RBPJ: variants seen among roughly 807,000 people sequenced by gnomAD.
RBPJ encodes the protein recombination signal binding protein for immunoglobulin kappa J region.
Under a neutral mutation model 67.8 loss-of-function variants are expected in RBPJ, and 9 were observed. That is an observed-to-expected ratio of 0.13 (90% CI 0.08 to 0.23). RBPJ has a LOEUF of 0.23. RBPJ is among the 10% of genes least tolerant of loss of function. RBPJ has a pLI of 1.00. For synonymous variants in RBPJ, 198 were observed against 203.3 expected (o/e 0.97, Z 0.22); for missense variants, 305 against 595.6 (o/e 0.51, Z 5.08).
chr4:26,429,174 C>G (rs1735968236), intron 8 of RBPJ, among the ~76,000 whole-genome samples: 1 of 152,224 alleles, frequency 6.6e-6, no homozygotes, highest in African/African-American at 2.4e-5. Flanking sequence ...ATTGAATCCT[C>G]TGAAATTGTG....
chr4:26,195,917 A>G (rs921097851), intron 1 of RBPJ, among the ~76,000 whole-genome samples: 43 of 152,200 alleles, frequency 2.8e-4, no homozygotes, highest in African/African-American at 3.6e-4. Flanking sequence ...TTTGACCCAC[A>G]TGACTTTTTA....
intron 1 of RBPJ, among the ~76,000 whole-genome samples, chr4:26,355,658 C>G (rs972931981): frequency 8.5e-5 from 13 of 152,068 alleles, no homozygotes; most frequent in African/African-American, 3.1e-4. Context: ...AAAACCCTAA[C>G]CCCTCTCCTG....
At chr4:26,413,534 A>T (rs951484822) in intron 3 of RBPJ, among the ~76,000 whole-genome samples, 1 of 152,156 alleles carries the variant, frequency 6.6e-6, no homozygotes, top group Non-Finnish European at 1.5e-5. Flanking sequence ...TCTGTTACAC[A>T]CTCAGGATAT....
chr4:26,354,268 G>A lies in RBPJ; in HGVS notation c.21-32085G>A, dbSNP rs80078133. On this transcript the variant is annotated intron_variant, in intron 1 of 10. Transcript: ENST00000355476. Reference sequence around the variant, plus strand: ...TCATGAGATAATTTATACAGCCACCGGGGACTGTTTTCAGCAAGCTTAATG... The same window carrying A: ...TCATGAGATAATTTATACAGCCACCAGGGACTGTTTTCAGCAAGCTTAATG... Among the ~76,000 whole-genome samples the A allele has an allele frequency of 1.9e-4, 29 of 152,106 alleles. No homozygotes were observed. In the East Asian group the frequency reaches 4.8e-3, roughly 25 times the overall value.
intron 1 of RBPJ, among the ~76,000 whole-genome samples, chr4:26,356,084 C>T (rs1016796626): frequency 1.4e-4 from 22 of 152,150 alleles, no homozygotes; most frequent in Admixed American, 1.4e-3. Flanking sequence ...GTTCAAAAAC[C>T]ACGAGTGCCC....
chr4:26,204,547 A>G (rs1399800972), intron 1 of RBPJ, among the ~76,000 whole-genome samples: 2 of 151,984 alleles, frequency 1.3e-5, no homozygotes, highest in African/African-American at 4.8e-5. Context: ...GGATGGGACT[A>G]CTCGTGGGTA....
chr4:26,309,935 A>G (rs1395344544), intron 1 of RBPJ, among the ~76,000 whole-genome samples: 1 of 152,224 alleles, frequency 6.6e-6, no homozygotes, highest in Non-Finnish European at 1.5e-5. Flanking sequence ...ATTTGTACAC[A>G]TTCTTTTCAC....
At chr4:26,189,169 A>C (rs930187017) in intron 1 of RBPJ, among the ~76,000 whole-genome samples, 2 of 152,204 alleles carry the variant, frequency 1.3e-5, no homozygotes, top group African/African-American at 4.8e-5. Flanking sequence ...GTGAGCTATG[A>C]TCATGCTACT....
intron 1 of RBPJ, among the ~76,000 whole-genome samples, chr4:26,291,567 CAGGT>C (rs1327729292): frequency 6.7e-6 from 1 of 149,938 alleles, no homozygotes; most frequent in African/African-American, 2.5e-5. Context: ...ACAAGACAAG[CAGGT>C]ATGAATGACT....
intron 2 of RBPJ, among the ~76,000 whole-genome samples, chr4:26,402,940 C>T (rs1255553640): frequency 1.3e-5 from 2 of 152,198 alleles, no homozygotes; most frequent in Non-Finnish European, 2.9e-5. Context: ...ATACCCACTT[C>T]TCCCAAAACA....
chr4:26,181,677 G>A (rs901971900), intron 1 of RBPJ, among the ~76,000 whole-genome samples: 7 of 152,158 alleles, frequency 4.6e-5, no homozygotes, highest in African/African-American at 1.7e-4. Flanking sequence ...CAGTTCCTAG[G>A]CAACAAACCA....
intron 1 of RBPJ, among the ~76,000 whole-genome samples, chr4:26,241,329 A>T (rs1160684202): frequency 6.6e-6 from 1 of 152,198 alleles, no homozygotes; most frequent in Non-Finnish European, 1.5e-5. Context: ...AAAAGAGCTG[A>T]CATTGGAGAC....
At chr4:26,212,542 T>C (rs1718466774) in intron 1 of RBPJ, among the ~76,000 whole-genome samples, 1 of 149,740 alleles carries the variant, frequency 6.7e-6, no homozygotes, top group African/African-American at 2.5e-5. Flanking sequence ...GTTCAAGCGA[T>C]TCCCACCTTC....
chr4:26,384,241 AT>A (rs889540188), intron 1 of RBPJ, among the ~76,000 whole-genome samples: 1 of 152,198 alleles, frequency 6.6e-6, no homozygotes, highest in Admixed American at 6.5e-5. Context: ...TTATTTGCCC[AT>A]TTTTTGTGCT....
chr4:26,353,389 G>A (rs1727004544), intron 1 of RBPJ, among the ~76,000 whole-genome samples: 1 of 152,132 alleles, frequency 6.6e-6, no homozygotes, highest in South Asian at 2.1e-4. Flanking sequence ...AGAGAGACCA[G>A]GCTTTGAATT....
the RBPJ span, among the ~76,000 whole-genome samples, chr4:26,144,379 C>T: frequency 6.9e-6 from 1 of 145,404 alleles, no homozygotes; most frequent in African/African-American, 2.6e-5. Flanking sequence ...AAGCAATTCT[C>T]CTGCCTCAGC....
At chr4:26,273,505 T>TC (rs1445628548) in intron 1 of RBPJ, among the ~76,000 whole-genome samples, 13 of 152,284 alleles carry the variant, frequency 8.5e-5, no homozygotes, top group African/African-American at 2.4e-4. Flanking sequence ...TCTTTCCAGC[T>TC]CTAGCTGCCT....
At chr4:26,390,512 T>A (rs1731391894) in intron 2 of RBPJ, among the ~76,000 whole-genome samples, 1 of 152,232 alleles carries the variant, frequency 6.6e-6, no homozygotes, top group South Asian at 2.1e-4. Flanking sequence ...ATCTTGCTAC[T>A]AGAACTGATA....
chr4:26,230,386 T>C (rs1300627872), intron 1 of RBPJ, among the ~76,000 whole-genome samples: 1 of 152,254 alleles, frequency 6.6e-6, no homozygotes. Context: ...TCTTATGCAG[T>C]AGATACTGTA....
Sources: allele counts gnomAD v4.1 joint callset (sites outside exome capture counted in the v4.1 genomes callset), GRCh38; gene constraint gnomAD v4.1.1; transcripts MANE v1.5; gene names NCBI Gene and HGNC (gene_info 2026-07-23, HGNC 2026-07-21).